The following VCL variants were observed in gnomAD, a reference collection of about 807,000 sequenced individuals.
VCL encodes epididymis luminal protein 114.
Under a neutral mutation model 125.7 loss-of-function variants are expected in VCL, and 47 were observed. The observed-to-expected ratio is 0.37, with a 90% CI of 0.30 to 0.48. VCL has a LOEUF of 0.48. Among genes scored for constraint, VCL ranks in the 20% least tolerant of loss-of-function variants. The pLI, the probability that VCL is intolerant of heterozygous loss-of-function variation, is 0.99. For synonymous variants in VCL, 458 were observed against 514.6 expected (o/e 0.89, Z 1.49); for missense variants, 1,069 against 1,455.5 (o/e 0.73, Z 4.32).
chr10:74,021,762 C>A (rs1451487861), intron 1 of VCL, among the ~76,000 whole-genome samples: 2 of 152,206 alleles, frequency 1.3e-5, no homozygotes, highest in Non-Finnish European at 2.9e-5. Context: ...GCAAAAATCT[C>A]CTTTTTTCTC....
Position 74,100,956 on chromosome 10 carries a change from T to A in VCL, c.1881T>A (p.Asp627Glu), listed in dbSNP as rs917342079. 1 of 1,614,044 alleles carries A rather than the reference T, an allele frequency of 6.2e-7. No individual in the cohort carries two copies. The highest frequency in any genetic ancestry group is 8.5e-7 in the Non-Finnish European group (1 of 1,179,986). ...TCTGTTTTTTCCTCAAGGTATTTGA[T>A]GAGAGGGCAGCTAACTTTGAAAACC... ...PDAPNREEVF[D>E]ERAANFENHS... Residue 627 changes from aspartate to glutamate, a missense_variant, in exon 14 of 22, where the codon GAT becomes GAA. Asp to Glu is a conservative substitution (Grantham distance 45). Around this residue, in one of 6 missense-constraint regions of VCL, gnomAD observed 760 missense variants for 928.9 expected, o/e 0.82. Transcript: ENST00000211998.
rs979521920 is a variant in VCL, at chr10:74,071,744, C to T, written c.499+661C>T. Among the ~76,000 whole-genome samples, 2 of 152,086 alleles carry T rather than the reference C, an allele frequency of 1.3e-5. No individual in the cohort carries two copies. The highest frequency in any genetic ancestry group is 2.4e-5 in the African/African-American group (1 of 41,412). On this transcript the variant is annotated intron_variant, in intron 4 of 21. Transcript: ENST00000211998. This position sits in a 1 kb window ranked among gnomAD's most constrained non-coding sequence, Gnocchi z 4.1. ...TTGATTGTTATCACTTTATAAAATT[C>T]ATTTGTTTTATGTGAAATGTTGATT...
intron 1 of VCL, among the ~76,000 whole-genome samples, chr10:74,025,628 A>C (rs967190353): frequency 3.1e-4 from 37 of 120,394 alleles, no homozygotes; most frequent in Non-Finnish European, 5.3e-4. Flanking sequence ...AAGAAAGGGA[A>C]GGGGAGGGGA....
intron 2 of VCL, among the ~76,000 whole-genome samples, chr10:74,045,409 G>A (rs1841180997): frequency 6.6e-6 from 1 of 151,934 alleles, no homozygotes; most frequent in African/African-American, 2.4e-5. Flanking sequence ...GATCACTTGA[G>A]GTCAGGAGTT....
At chr10:74,011,647 G>T (rs1840438046) in intron 1 of VCL, among the ~76,000 whole-genome samples, 1 of 152,138 alleles carries the variant, frequency 6.6e-6, no homozygotes, top group Non-Finnish European at 1.5e-5. Context: ...CCACTGGAAG[G>T]CATGATGTTT....
chr10:74,082,928 A>G (rs867033335), intron 7 of VCL, among the ~76,000 whole-genome samples: 1 of 152,234 alleles, frequency 6.6e-6, no homozygotes. Flanking sequence ...CATGATGCCA[A>G]TGAGAATTGG....
intron 17 of VCL, among the ~76,000 whole-genome samples, chr10:74,108,336 C>T (rs1274828050): frequency 6.6e-6 from 1 of 152,212 alleles, no homozygotes; most frequent in African/African-American, 2.4e-5. Flanking sequence ...GGAGAAGTTA[C>T]TTGCCTATGT....
In VCL at chr10:74,071,845, A is replaced by G. The variant is rs1432733612; in HGVS notation, c.499+762A>G. ...TTAATGGCAGTTAAGAATTTGAGCCATCACTGAAGATCACCTGGAAATAGG... is the reference window on the plus strand; with the variant it reads ...TTAATGGCAGTTAAGAATTTGAGCCGTCACTGAAGATCACCTGGAAATAGG... On this transcript the variant is annotated intron_variant, in intron 4 of 21. Transcript: ENST00000211998. The surrounding 1 kb of genome is among the most constrained non-coding windows in gnomAD (Gnocchi z 4.1). 2.6e-5 allele frequency among the ~76,000 whole-genome samples: 4 copies of G among 152,252 alleles called. No individual in the cohort carries two copies. The East Asian group carries it at 7.7e-4, about 29-fold the overall frequency.
intron 2 of VCL, among the ~76,000 whole-genome samples, chr10:74,057,777 CA>C (rs1348403385): frequency 2.0e-5 from 3 of 151,852 alleles, no homozygotes; most frequent in African/African-American, 7.3e-5. Flanking sequence ...ATTAAAAATA[CA>C]AAAAATTACC....
At chr10:74,003,637 A>T (rs919445634) in intron 1 of VCL, among the ~76,000 whole-genome samples, 3 of 152,090 alleles carry the variant, frequency 2.0e-5, no homozygotes, top group Non-Finnish European at 4.4e-5. Flanking sequence ...TCACTTGTAT[A>T]TCATATGTTC....
chr10:73,999,115 T>C (rs1234223666), intron 1 of VCL, among the ~76,000 whole-genome samples: 1 of 152,144 alleles, frequency 6.6e-6, no homozygotes, highest in Non-Finnish European at 1.5e-5. Context: ...TTTCATTCCC[T>C]CCTGTGGACA....
rs569252252 is a variant in VCL, at chr10:74,089,031, C to T, written c.1023-165C>T. 1.2e-4 allele frequency among the ~76,000 whole-genome samples: 18 copies of T among 152,280 alleles called. No homozygotes were observed. In the South Asian group the frequency reaches 1.2e-3, roughly 11 times the overall value. On this transcript the variant is annotated intron_variant, in intron 8 of 21. Coordinates refer to ENST00000211998, the MANE Select transcript of VCL (RefSeq NM_014000.3). ...TAAAAGAAAAAGTACTTGATTTGGG[C>T]GTCTTGCTTTGTTTATGTCTGTTTT...
chr10:74,078,564 T>C lies in VCL; in HGVS notation c.783+3661T>C, dbSNP rs545699828. 2.0e-5 allele frequency among the ~76,000 whole-genome samples: 3 copies of C among 152,306 alleles called. No homozygotes were observed. The South Asian group carries it at 6.2e-4, about 32-fold the overall frequency. ...TGATATTTTATCTCCCTGCTCCCCA[T>C]GAGGAGAAAATCCCAAAATAAATTG... is the stretch of plus-strand genomic sequence containing the variant. On this transcript the variant is annotated intron_variant, in intron 6 of 21. Coordinates refer to ENST00000211998, the MANE Select transcript of VCL (RefSeq NM_014000.3).
chr10:74,017,046 C>CTTTTTTTT (rs549275362), intron 1 of VCL, among the ~76,000 whole-genome samples: 1,195 of 113,018 alleles, frequency 0.011, 151 homozygotes, highest in African/African-American at 0.045. Context: ...AATTTCCTTC[C>CTTTTTTTT]TTTTTTTTTT....
In VCL at chr10:74,095,837, G is replaced by A; in HGVS notation, c.1725G>A (p.Gln575=). ...ESPQARALAS[Q]LQDSLKDLKA... is the part of the protein sequence containing the mutation. ...CTCAGGCACGAGCACTTGCATCTCAGCTCCAAGACTCCTTAAAGGTAGAAG... is the reference window on the plus strand; with the variant it reads ...CTCAGGCACGAGCACTTGCATCTCAACTCCAAGACTCCTTAAAGGTAGAAG... Residue 575 remains glutamine (Q), a synonymous_variant, in exon 12 of 22, where the codon CAG becomes CAA. Transcript: ENST00000211998. 6.2e-7 allele frequency: 1 copy of A among 1,613,844 alleles called. No individual in the cohort carries two copies. The highest frequency in any genetic ancestry group is 8.5e-7 in the Non-Finnish European group (1 of 1,180,014).
rs1840382824 is a variant in VCL at position 74,119,922 on chromosome 10, G to A, written c.*1753G>A. 6.6e-6 allele frequency: 1 copy of A among 151,452 alleles called. No individual in the cohort carries two copies. The allele number at this position is 151,452 out of a possible 1,614,324, so 9.4% of individuals were successfully genotyped here. On this transcript the variant is annotated 3_prime_UTR_variant, in exon 22 of 22. Transcript: ENST00000211998. ...AAGAAAAATCATGTTTGCTCTCCCGGTTCTTCCAGTGGTTTGAGACACTGG... is the reference window on the plus strand; with the variant it reads ...AAGAAAAATCATGTTTGCTCTCCCGATTCTTCCAGTGGTTTGAGACACTGG...
At chr10:74,020,109 A>C (rs944729156) in intron 1 of VCL, among the ~76,000 whole-genome samples, 47 of 152,046 alleles carry the variant, frequency 3.1e-4, no homozygotes, top group Non-Finnish European at 6.8e-4. Context: ...TCAGGGGAGC[A>C]CTATGTGGTT....
chr10:74,112,548 G>A (rs1361829166), intron 19 of VCL, among the ~76,000 whole-genome samples: 1 of 152,160 alleles, frequency 6.6e-6, no homozygotes, highest in Non-Finnish European at 1.5e-5. Flanking sequence ...AGGGGGAGAG[G>A]CAGCTTTATA....
chr10:74,041,939 T>G (rs992218546), intron 1 of VCL, among the ~76,000 whole-genome samples: 3 of 152,174 alleles, frequency 2.0e-5, no homozygotes, highest in African/African-American at 7.2e-5. Context: ...CAACTTACAG[T>G]AACATTTTTG....
Sources: allele counts gnomAD v4.1 joint callset (sites outside exome capture counted in the v4.1 genomes callset), GRCh38; gene constraint gnomAD v4.1.1; regional missense constraint gnomAD v4.1.1; non-coding constraint Gnocchi (gnomAD v3.1); transcripts MANE v1.5; gene names NCBI Gene and HGNC (gene_info 2026-07-23, HGNC 2026-07-21).